The following THBS2 variants were observed in gnomAD, a reference collection of about 807,000 sequenced individuals.
The protein encoded by THBS2 is thrombospondin 2.
THBS2 carries 47 observed loss-of-function variants against 135.2 expected under a neutral mutation model. That is an observed-to-expected ratio of 0.35 (90% CI 0.28 to 0.44). The LOEUF is 0.44. Ranked by LOEUF, THBS2 falls within the 20% of genes least tolerant of loss-of-function variation. The pLI, the probability that THBS2 is intolerant of heterozygous loss-of-function variation, is 1.00. For missense variants in THBS2, 1,288 were observed against 1,603.1 expected, an observed-to-expected ratio of 0.80 and a Z score of 3.36; for synonymous variants, 639 against 633.8, an observed-to-expected ratio of 1.01 and a Z score of -0.12.
chr6:169,234,779 C>T lies in THBS2; in HGVS notation c.1606G>A (p.Asp536Asn), dbSNP rs2115000235. ...PQYGGKACVG[D>N]VQERQMCNKR... ...TTGCACATCTGACGCTCCTGCACAT[C>T]CCCCACGCAGGCCTTCCCTCCGTAC... is the stretch of plus-strand genomic sequence containing the variant. The change falls in exon 10 of 22, where the codon GAT becomes AAT. Residue 536 changes from aspartate to asparagine, a missense_variant. Physicochemically the swap from Asp to Asn is conservative, Grantham distance 23 (BLOSUM62 1). Around this residue, in one of 2 missense-constraint regions of THBS2, gnomAD observed 874 missense variants for 1,156.1 expected, o/e 0.76. Transcript: ENST00000617924. 6.2e-7 allele frequency: 1 copy of T among 1,607,576 alleles called. No individual in the cohort carries two copies. The highest frequency in any genetic ancestry group is 8.5e-7 in the Non-Finnish European group (1 of 1,176,210).
chr6:169,217,746 CA>C lies in THBS2; in HGVS notation c.*75del, dbSNP rs1316557700. On this transcript the variant is annotated 3_prime_UTR_variant, in exon 22 of 22. Coordinates refer to ENST00000617924, the MANE Select transcript of THBS2 (RefSeq NM_003247.5). Reference sequence around the variant, plus strand: ...GAGGTGCTGCTAGAGAGAGAAGCCACAAGGACCACAATGAACTGAGGTGTCT... The same window carrying C: ...GAGGTGCTGCTAGAGAGAGAAGCCACAGGACCACAATGAACTGAGGTGTCT... 2 of 1,539,068 alleles carry C rather than the reference CA, an allele frequency of 1.3e-6. No individual in the cohort carries two copies. The highest frequency in any genetic ancestry group is 2.8e-5 in the African/African-American group (2 of 72,298).
At position 169,228,385 on chromosome 6, in the gene THBS2, T is replaced by C. The variant is rs539387902; in HGVS notation, c.2260-104A>G. 241 of 1,404,988 alleles carry C rather than the reference T, an allele frequency of 1.7e-4. No homozygotes were observed. The East Asian group carries it at 5.8e-3, about 34-fold the overall frequency. The allele number at this position is 1,404,988 out of a possible 1,614,324, so 87.0% of individuals were successfully genotyped here. ...TACTCAAGGTTGATGAAAATCAATA[T>C]AGAAATCAAACAAACACAAAAGCCA... On this transcript the variant is annotated intron_variant, in intron 14 of 21. Transcript: ENST00000617924.
rs1780535930 is a variant in THBS2, at chr6:169,245,776, A to C, written c.694+421T>G. Among the ~76,000 whole-genome samples the C allele has an allele frequency of 2.1e-5, 3 of 139,862 alleles. No individual in the cohort carries two copies. The South Asian group carries it at 7.9e-4, about 37-fold the overall frequency. 91.8% of individuals were successfully genotyped at this position (139,862 alleles called of 152,430 possible). On this transcript the variant is annotated intron_variant, in intron 4 of 21. Coordinates refer to ENST00000617924, the MANE Select transcript of THBS2 (RefSeq NM_003247.5). ...CACTGCACTCCAGCCTGGGTGACAG[A>C]GTGAGACTCTGGCTCAAAAAAAAAA...
chr6:169,242,930 A>C (rs1217892110), intron 4 of THBS2, among the ~76,000 whole-genome samples: 4 of 20,518 alleles, frequency 1.9e-4, no homozygotes, highest in Non-Finnish European at 2.8e-4. Context: ...CACCACTCCC[A>C]CCTTCCCACC....
chr6:169,218,434 T>G (rs1303264726), intron 21 of THBS2, among the ~76,000 whole-genome samples: 27 of 80,880 alleles, frequency 3.3e-4, no homozygotes, highest in Admixed American at 6.4e-4. Context: ...GATGGATGAG[T>G]GGGTGGGTGG....
intron 21 of THBS2, among the ~76,000 whole-genome samples, chr6:169,219,340 G>GGAGGGA: frequency 1.8e-5 from 1 of 55,764 alleles, no homozygotes; most frequent in Non-Finnish European, 3.7e-5. Context: ...GTGTGGGTGG[G>GGAGGGA]TGGATGGATG....
intron 21 of THBS2, 103 bp downstream of exon 21, chr6:169,220,095 G>T: frequency 7.1e-7 from 1 of 1,417,206 alleles, no homozygotes; most frequent in Non-Finnish European, 9.6e-7. Flanking sequence ...TAGGTTTATT[G>T]CCCTGATGTA....
intron 4 of THBS2, among the ~76,000 whole-genome samples, chr6:169,242,675 C>T (rs1438389705): frequency 1.6e-5 from 1 of 60,614 alleles, no homozygotes; most frequent in Non-Finnish European, 3.3e-5. Context: ...ACCACTCCCA[C>T]CTTCCCACCT....
Position 169,231,964 on chromosome 6 carries a change from G to A in THBS2, c.2151+16C>T, listed in dbSNP as rs747051226. ...ACCGCCGTGGCCCCGTGTGCCCTGCGAGCCCCGCGCCTCACCTTGATGCAG... is the reference window on the plus strand; with the variant it reads ...ACCGCCGTGGCCCCGTGTGCCCTGCAAGCCCCGCGCCTCACCTTGATGCAG... On this transcript the variant is annotated intron_variant, in intron 13 of 21. Transcript: ENST00000617924. 7 of 1,612,378 alleles carry A rather than the reference G, an allele frequency of 4.3e-6. No individual in the cohort carries two copies. The highest frequency in any genetic ancestry group is 1.7e-6 in the Non-Finnish European group (2 of 1,179,516).
chr6:169,222,113 C>A, intron 19 of THBS2, 84 bp downstream of exon 19: 1 of 1,462,558 alleles, frequency 6.8e-7, no homozygotes, highest in Non-Finnish European at 9.1e-7. Flanking sequence ...AAAGTGGGGT[C>A]TCTGGACTGG....
intron 9 of THBS2, among the ~76,000 whole-genome samples, chr6:169,235,824 T>TC (rs72398675): frequency 3.6e-5 from 1 of 27,660 alleles, no homozygotes. Context: ...CACACTCACT[T>TC]CCATCCACAC....
chr6:169,219,206 G>A (rs910955498), intron 21 of THBS2, among the ~76,000 whole-genome samples: 2 of 143,182 alleles, frequency 1.4e-5, no homozygotes, highest in African/African-American at 5.3e-5. Context: ...GTGGATGGAT[G>A]GATGAAATGG....
intron 4 of THBS2, among the ~76,000 whole-genome samples, chr6:169,242,682 ACCTTCC>A: frequency 4.1e-5 from 1 of 24,602 alleles, no homozygotes; most frequent in Non-Finnish European, 7.7e-5. Flanking sequence ...CCACCTTCCC[ACCTTCC>A]CATCTTCCCA....
chr6:169,223,613 A>G (rs139658329), intron 17 of THBS2, 138 bp from the exon 18 acceptor site: 2 of 687,264 alleles, frequency 2.9e-6, no homozygotes, highest in South Asian at 3.8e-5. Context: ...AGTGCTTTGC[A>G]GTGTTTTGTG....
chr6:169,250,645 CCA>C, intron 2 of THBS2, 86 bp downstream of exon 2: 1 of 1,268,134 alleles, frequency 7.9e-7, no homozygotes, highest in South Asian at 1.4e-5. Context: ...GATTGTCCAA[CCA>C]CACACTTTAT....
Position 169,243,183 on chromosome 6 carries a change from C to T in THBS2, c.695-1225G>A, listed in dbSNP as rs534928804. The stretch of plus-strand genomic sequence containing the variant: ...CCACATTCCCACCTCTCCCACCTTC[C>T]CACCTCTCCCACCTTCCCACCACTC... On this transcript the variant is annotated intron_variant, in intron 4 of 21. Transcript: ENST00000617924. Among the ~76,000 whole-genome samples the T allele has an allele frequency of 1.3e-4, 20 of 151,706 alleles. No homozygotes were observed. The South Asian group carries it at 4.0e-3, about 30-fold the overall frequency.
rs148342110 is a variant in THBS2 at position 169,243,394 on chromosome 6, C to G, written c.695-1436G>C. ...GCTCTAGGCCGGAGCTCACCTCACCCCCATGTAGGACCCTGCTCCCTCTCA... is the reference window on the plus strand; with the variant it reads ...GCTCTAGGCCGGAGCTCACCTCACCGCCATGTAGGACCCTGCTCCCTCTCA... On this transcript the variant is annotated intron_variant, in intron 4 of 21. Coordinates refer to ENST00000617924, the MANE Select transcript of THBS2 (RefSeq NM_003247.5). Among the ~76,000 whole-genome samples the G allele has an allele frequency of 3.7e-3, 560 of 152,370 alleles. 10 individuals carry two copies. The highest frequency in any genetic ancestry group is 3.0e-3 in the Non-Finnish European group (201 of 68,044).
In THBS2 at chr6:169,216,799, T is replaced by A. The variant is rs1174832392; in HGVS notation, c.*1023A>T. On this transcript the variant is annotated 3_prime_UTR_variant, in exon 22 of 22. Coordinates refer to ENST00000617924, the MANE Select transcript of THBS2 (RefSeq NM_003247.5). ...TAAAATAAGTTACTGGTAAATGGAGTTGCATTCTATAGTCACTTAATAAAT... is the reference window on the plus strand; with the variant it reads ...TAAAATAAGTTACTGGTAAATGGAGATGCATTCTATAGTCACTTAATAAAT... 1.3e-5 allele frequency: 2 copies of A among 152,086 alleles called. No individual in the cohort carries two copies. Among genetic ancestry groups the A allele is most frequent in the Admixed American group, 6.5e-5 (1 of 15,278 alleles). The allele number at this position is 152,086 out of a possible 1,614,324, so 9.4% of individuals were successfully genotyped here.
At position 169,221,441 on chromosome 6, in the gene THBS2, A is replaced by G. The variant is rs1132742; in HGVS notation, c.3360T>C (p.Thr1120=). ...YRWHLTHRPK[T]GYIRVLVHEG... ...TGACCTGCCCTCACCTGATGTAGCC[A>G]GTCTTGGGCCTGTGAGTCAGGTGCC... Residue 1120 remains threonine, a synonymous_variant, in exon 20 of 22, where the codon ACT becomes ACC. Coordinates refer to ENST00000617924, the MANE Select transcript of THBS2 (RefSeq NM_003247.5). The G allele has an allele frequency of 0.21, 331,294 of 1,613,474 alleles. 35,365 individuals carry two copies. The highest frequency in any genetic ancestry group is 0.34 in the African/African-American group (25,156 of 74,958).
Sources: gnomAD v4.1 joint callset for allele counts (sites outside exome capture counted in the v4.1 genomes callset) on GRCh38, gnomAD v4.1.1 for gene constraint, gnomAD v4.1.1 regional missense constraint, MANE v1.5 for transcripts, NCBI Gene and HGNC (gene_info 2026-07-23, HGNC 2026-07-21) for gene names.